Variants in SNTB2 observed in about 807,000 individuals in gnomAD.
SNTB2 encodes the protein beta-2-syntrophin.
A neutral mutation model predicts 46.2 loss-of-function variants in SNTB2; 34 were observed. That is an observed-to-expected ratio of 0.74 (90% CI 0.56 to 0.98). SNTB2 has a LOEUF of 0.98. Ranked by LOEUF, SNTB2 falls within the 50% of genes least tolerant of loss-of-function variation. SNTB2 has a pLI of 0.00. For missense variants in SNTB2, 603 were observed against 731.4 expected, an observed-to-expected ratio of 0.82 and a Z score of 2.02; for synonymous variants, 290 against 312.6, an observed-to-expected ratio of 0.93 and a Z score of 0.76.
chr16:69,255,793 G>A (rs532827551), intron 2 of SNTB2, among the ~76,000 whole-genome samples: 2 of 150,948 alleles, frequency 1.3e-5, no homozygotes, highest in Admixed American at 6.6e-5. Flanking sequence ...CAGGAGAATC[G>A]CTTAAACCAG....
At chr16:69,206,011 G>A (rs1964212728) in intron 1 of SNTB2, among the ~76,000 whole-genome samples, 1 of 152,086 alleles carries the variant, frequency 6.6e-6, no homozygotes, top group African/African-American at 2.4e-5. Context: ...TGTTGTCAAA[G>A]GCAAGGCTGG....
intron 1 of SNTB2, among the ~76,000 whole-genome samples, chr16:69,215,580 G>A (rs941432163): frequency 1.1e-4 from 16 of 152,206 alleles, no homozygotes; most frequent in South Asian, 2.1e-4. Context: ...GCACTGGGGC[G>A]TTTTAAAGAT....
At chr16:69,252,500 A>G (rs113531123) in intron 2 of SNTB2, among the ~76,000 whole-genome samples, 4 of 152,352 alleles carry the variant, frequency 2.6e-5, no homozygotes, top group African/African-American at 9.6e-5. Context: ...TGTTCTTTGC[A>G]TTGGTTCACA....
chr16:69,205,908 T>C (rs534789239), intron 1 of SNTB2, among the ~76,000 whole-genome samples: 2 of 152,350 alleles, frequency 1.3e-5, no homozygotes, highest in South Asian at 2.1e-4. Flanking sequence ...TGTACGTTCA[T>C]GAAATCCTTT....
Position 69,301,044 on chromosome 16 carries a change from C to T in SNTB2, c.*120C>T. 1 of 636,556 alleles carries T rather than the reference C, an allele frequency of 1.6e-6. No homozygotes were observed. Among genetic ancestry groups the T allele is most frequent in the Non-Finnish European group, 2.8e-6 (1 of 357,108 alleles). 39.4% of individuals were successfully genotyped at this position (636,556 alleles called of 1,614,324 possible). A position where few individuals can be genotyped will look rare whatever the true frequency, so the allele number is the denominator to read the frequency against. ...AGCACAGTGCCTTCCCAAGGACCTG[C>T]AAATAACTGCTGAACCATAACCGTG... On this transcript the variant is annotated 3_prime_UTR_variant, in exon 7 of 7. Coordinates refer to ENST00000336278, the MANE Select transcript of SNTB2 (RefSeq NM_006750.4).
rs140704781 is a variant in SNTB2 at position 69,245,960 on chromosome 16, T to C, written c.794+145T>C. The C allele has an allele frequency of 7.2e-4, 591 of 821,096 alleles. 1 individual carries two copies. Among genetic ancestry groups the C allele is most frequent in the Non-Finnish European group, 9.5e-4 (501 of 529,536 alleles). 50.9% of individuals were successfully genotyped at this position (821,096 alleles called of 1,614,324 possible). On this transcript the variant is annotated intron_variant, in intron 2 of 6. Coordinates refer to ENST00000336278, the MANE Select transcript of SNTB2 (RefSeq NM_006750.4). ...GATGCATTTTTGGGGTTCCACATTT[T>C]AAGTTATTCTACATATATACATGTA...
intron 3 of SNTB2, among the ~76,000 whole-genome samples, chr16:69,264,614 A>G (rs2143102705): frequency 6.6e-6 from 1 of 152,318 alleles, no homozygotes; most frequent in East Asian, 1.9e-4. Flanking sequence ...TGATGAATCT[A>G]AGTGTTATGT....
chr16:69,269,789 C>T (rs1567411356), intron 3 of SNTB2, among the ~76,000 whole-genome samples: 1 of 151,790 alleles, frequency 6.6e-6, no homozygotes, highest in Non-Finnish European at 1.5e-5. Context: ...TCAGAATTGA[C>T]AATATTGGCC....
Position 69,187,402 on chromosome 16 carries a change from C to G in SNTB2, c.236C>G (p.Ala79Gly). Residue 79 changes from alanine to glycine, a missense_variant, in exon 1 of 7, where the codon GCG becomes GGG. Transcript: ENST00000336278. ...AACGGCCTCCCAAACGGCGGCGGCG[C>G]GGGCGACTCGCTGCCCGGGAGCCCA... ...AFNGLPNGGG[A>G]GDSLPGSPSR... 1 of 1,265,406 alleles carries G rather than the reference C, an allele frequency of 7.9e-7. No individual in the cohort carries two copies. The allele number at this position is 1,265,406 out of a possible 1,614,324, so 78.4% of individuals were successfully genotyped here. A position where few individuals can be genotyped will look rare whatever the true frequency, so the allele number is the denominator to read the frequency against.
At chr16:69,195,794 A>G (rs1226704460) in intron 1 of SNTB2, among the ~76,000 whole-genome samples, 2 of 152,204 alleles carry the variant, frequency 1.3e-5, no homozygotes, top group Non-Finnish European at 2.9e-5. Flanking sequence ...CCTCGGACCT[A>G]TCACTATTAC....
chr16:69,242,052 TC>T (rs1964621907), intron 1 of SNTB2: 1 of 151,512 alleles, frequency 6.6e-6, no homozygotes, highest in Non-Finnish European at 1.5e-5. Flanking sequence ...TCAGTAAGAA[TC>T]AGTTGGATTT....
chr16:69,305,546 C>T lies in SNTB2; in HGVS notation c.*4622C>T, dbSNP rs1182309457. Reference sequence around the variant, plus strand: ...GTAAAATGCCAGATCTCTTTGGTCTCAAAGCAAATTGCTCTGATCAGATCA... The same window carrying T: ...GTAAAATGCCAGATCTCTTTGGTCTTAAAGCAAATTGCTCTGATCAGATCA... On this transcript the variant is annotated 3_prime_UTR_variant, in exon 7 of 7. Coordinates refer to ENST00000336278, the MANE Select transcript of SNTB2 (RefSeq NM_006750.4). 6.6e-6 allele frequency: 1 copy of T among 152,124 alleles called. No individual in the cohort carries two copies. Among genetic ancestry groups the T allele is most frequent in the Non-Finnish European group, 1.5e-5 (1 of 68,026 alleles). 9.4% of individuals were successfully genotyped at this position (152,124 alleles called of 1,614,324 possible).
At chr16:69,195,908 C>T (rs1475216895) in intron 1 of SNTB2, among the ~76,000 whole-genome samples, 1 of 152,088 alleles carries the variant, frequency 6.6e-6, no homozygotes, top group East Asian at 1.9e-4. Context: ...GGGGTGGTTG[C>T]TAGGTTAACT....
intron 4 of SNTB2, 57 bp from the exon 5 acceptor site, chr16:69,283,991 G>A: frequency 1.4e-6 from 2 of 1,462,374 alleles, no homozygotes; most frequent in Non-Finnish European, 1.8e-6. Context: ...ACAAATTCCT[G>A]ACATTTTTGT....
chr16:69,292,435 T>A (rs1325121634), intron 5 of SNTB2, among the ~76,000 whole-genome samples: 914 of 10,482 alleles, frequency 0.087, 279 homozygotes, highest in African/African-American at 0.39. Flanking sequence ...TATATATATA[T>A]TATATATATA....
intron 1 of SNTB2, among the ~76,000 whole-genome samples, chr16:69,219,814 G>A (rs552000065): frequency 1.2e-3 from 175 of 151,956 alleles, no homozygotes; most frequent in Non-Finnish European, 3.8e-4. Flanking sequence ...GCAGTGGCGC[G>A]ATCTTGGCTC....
At chr16:69,273,623 G>A (rs1331942387) in intron 4 of SNTB2, among the ~76,000 whole-genome samples, 2 of 152,138 alleles carry the variant, frequency 1.3e-5, no homozygotes, top group African/African-American at 4.8e-5. Context: ...TGCTAAAATT[G>A]AATGTGGTGA....
chr16:69,198,905 T>A (rs997062979), intron 1 of SNTB2, among the ~76,000 whole-genome samples: 15 of 151,346 alleles, frequency 9.9e-5, no homozygotes, highest in Middle Eastern at 3.4e-3. Flanking sequence ...TGTTTTTTTT[T>A]TTTTTTTTTT....
intron 4 of SNTB2, among the ~76,000 whole-genome samples, chr16:69,276,222 G>A (rs1351740971): frequency 6.6e-6 from 1 of 151,772 alleles, no homozygotes. Flanking sequence ...AAAAAGTGTG[G>A]TGACTTTAGA....
Sources: gnomAD v4.1 joint callset for allele counts (sites outside exome capture counted in the v4.1 genomes callset) on GRCh38, gnomAD v4.1.1 for gene constraint, MANE v1.5 for transcripts, NCBI Gene and HGNC (gene_info 2026-07-23, HGNC 2026-07-21) for gene names.